KCNQ4: variants seen among roughly 807,000 people sequenced by gnomAD.
KCNQ4 encodes potassium voltage-gated channel subfamily Q member 4.
A neutral mutation model predicts 72.6 loss-of-function variants in KCNQ4; 31 were observed. The ratio of observed to expected loss-of-function variants is 0.43; its 90% CI spans 0.32 to 0.58. KCNQ4 has a LOEUF of 0.58. Among genes scored for constraint, KCNQ4 ranks in the 20% least tolerant of loss-of-function variants. The pLI is 0.08. For missense variants in KCNQ4, 869 were observed against 962.6 expected (o/e 0.90, Z 1.29); for synonymous variants, 405 against 403.7 (o/e 1.00, Z -0.04).
In KCNQ4 at chr1:40,822,303, C is replaced by T. The variant is rs368217963; in HGVS notation, c.1042-11C>T. On this transcript the variant is annotated splice_polypyrimidine_tract_variant and intron_variant, in intron 7 of 13. Coordinates refer to ENST00000347132, the MANE Select transcript of KCNQ4 (RefSeq NM_004700.4). ...CTGATGCCCCATCCCCCACGTCCCC[C>T]ATACCACCAGGCTGCCTGGCGCCTG... The T allele has an allele frequency of 1.2e-6, 2 of 1,612,842 alleles. No individual in the cohort carries two copies. Among genetic ancestry groups the T allele is most frequent in the African/African-American group, 2.7e-5 (2 of 75,018 alleles).
chr1:40,795,146 A>C (rs893336471), intron 1 of KCNQ4, among the ~76,000 whole-genome samples: 2 of 151,916 alleles, frequency 1.3e-5, no homozygotes, highest in African/African-American at 4.8e-5. Context: ...TTATACATAG[A>C]ATGACAATTG....
At chr1:40,787,636 T>A (rs78272666) in intron 1 of KCNQ4, among the ~76,000 whole-genome samples, 2,334 of 152,278 alleles carry the variant, frequency 0.015, 23 homozygotes, top group Middle Eastern at 0.027. Flanking sequence ...GAGGGGCCAC[T>A]GAGCCCCTCT....
At chr1:40,832,649 G>A (rs1648684095) in intron 10 of KCNQ4, among the ~76,000 whole-genome samples, 1 of 152,218 alleles carries the variant, frequency 6.6e-6, no homozygotes, top group Admixed American at 6.5e-5. Flanking sequence ...TACATGCAGT[G>A]CCATCAAACC....
Position 40,784,337 on chromosome 1 carries a change from C to G in KCNQ4, c.244C>G (p.Arg82Gly). 6.2e-7 allele frequency: 1 copy of G among 1,609,510 alleles called. No individual in the cohort carries two copies. The highest frequency in any genetic ancestry group is 8.5e-7 in the Non-Finnish European group (1 of 1,179,218). ...RSSAAHKRYR[R>G]LQNWVYNVLE... Reference sequence around the variant, plus strand: ...CTCGGCCGCGCACAAGCGCTACCGCCGCCTGCAGAACTGGGTCTACAACGT... The same window carrying G: ...CTCGGCCGCGCACAAGCGCTACCGCGGCCTGCAGAACTGGGTCTACAACGT... Residue 82 changes from arginine (R) to glycine (G), a missense_variant, in exon 1 of 14, where the codon CGC becomes GGC. Arg to Gly is a moderately radical substitution (Grantham distance 125). This residue lies in a region of KCNQ4 where 178 missense variants were observed against 145.3 expected (regional missense o/e 1.22). Coordinates refer to ENST00000347132, the MANE Select transcript of KCNQ4 (RefSeq NM_004700.4). This position sits in a 1 kb window ranked among gnomAD's most constrained non-coding sequence, Gnocchi z 4.1.
chr1:40,839,487 C>T lies in KCNQ4; in HGVS notation c.*964C>T, dbSNP rs1157049189. The T allele has an allele frequency of 1.3e-5, 2 of 152,288 alleles. No homozygotes were observed. Among genetic ancestry groups the T allele is most frequent in the African/African-American group, 4.8e-5 (2 of 41,464 alleles). 9.4% of individuals were successfully genotyped at this position (152,288 alleles called of 1,614,324 possible). The stretch of plus-strand genomic sequence containing the variant: ...ACTTGGAGACATGAGTGCAGAGCCA[C>T]TCAGCCGCTCCTGGGCCTCTGCAGC... On this transcript the variant is annotated 3_prime_UTR_variant, in exon 14 of 14. Coordinates refer to ENST00000347132, the MANE Select transcript of KCNQ4 (RefSeq NM_004700.4).
rs1647178237 is a variant in KCNQ4, at chr1:40,783,902, T to TGCGGGCTCCGGCGGCCC, written c.-191_-175dup. 1 of 148,072 alleles carries TGCGGGCTCCGGCGGCCC rather than the reference T, an allele frequency of 6.8e-6. No individual in the cohort carries two copies. The highest frequency in any genetic ancestry group is 1.9e-4 in the South Asian group (1 of 5,282). 9.2% of individuals were successfully genotyped at this position (148,072 alleles called of 1,614,324 possible). On this transcript the variant is annotated 5_prime_UTR_variant, in exon 1 of 14. The change creates a premature stop within an existing upstream ORF in the 5' untranslated region. Coordinates refer to ENST00000347132, the MANE Select transcript of KCNQ4 (RefSeq NM_004700.4). This position sits in a 1 kb window ranked among gnomAD's most constrained non-coding sequence, Gnocchi z 4.4. ...AGTCGCCGGGGAAGCGGGAGGTCAGTGCGGGCTCCGGCGGCCCCCAGGCTC... is the reference window on the plus strand; with the variant it reads ...AGTCGCCGGGGAAGCGGGAGGTCAGTGCGGGCTCCGGCGGCCCGCGGGCTCCGGCGGCCCCCAGGCTC...
Position 40,831,309 on chromosome 1 carries a change from GCC to G in KCNQ4, c.1513+9_1513+10del. The G allele has an allele frequency of 6.3e-7, 1 of 1,584,654 alleles. No homozygotes were observed. On this transcript the variant is annotated splice_donor_region_variant and intron_variant, in intron 10 of 13. Coordinates refer to ENST00000347132, the MANE Select transcript of KCNQ4 (RefSeq NM_004700.4). ...AACCCCGCACCTCTGCTGAGGGTAA[GCC>G]CCCGGGGGGCTGAGTCCGATCGAGG...
intron 5 of KCNQ4, 87 bp from the exon 6 acceptor site, chr1:40,819,788 T>C (rs984158984): frequency 8.1e-6 from 9 of 1,113,448 alleles, no homozygotes; most frequent in Non-Finnish European, 1.2e-5. Flanking sequence ...CCTTCCCTCA[T>C]GATCAGGCTC....
chr1:40,805,012 C>T (rs1454899767), intron 1 of KCNQ4: 5 of 152,092 alleles, frequency 3.3e-5, no homozygotes. Flanking sequence ...ATCAAGTTGC[C>T]TAGGGAGGGG....
At chr1:40,787,791 G>A (rs568067384) in intron 1 of KCNQ4, among the ~76,000 whole-genome samples, 62 of 152,262 alleles carry the variant, frequency 4.1e-4, no homozygotes, top group Admixed American at 1.5e-3. Flanking sequence ...GGCCCATCCT[G>A]CTCGCTGAGC....
chr1:40,833,512 G>A (rs1177395359), intron 11 of KCNQ4, among the ~76,000 whole-genome samples: 8 of 152,230 alleles, frequency 5.3e-5, no homozygotes, highest in African/African-American at 1.7e-4. Context: ...AGGGACCAGG[G>A]TCTCCTAGGC....
chr1:40,818,003 G>A (rs370415305), intron 2 of KCNQ4, among the ~76,000 whole-genome samples, 161 bp from the exon 3 acceptor site: 8 of 152,192 alleles, frequency 5.3e-5, no homozygotes, highest in South Asian at 2.1e-4. Context: ...GGCGGAGGGG[G>A]CCACCTGCCC....
intron 12 of KCNQ4, among the ~76,000 whole-genome samples, chr1:40,836,939 T>C (rs550139233): frequency 6.6e-6 from 1 of 152,210 alleles, no homozygotes; most frequent in African/African-American, 2.4e-5. Context: ...GATAACACTT[T>C]CAAGAATTTT....
At chr1:40,814,046 CTT>C (rs35243800) in intron 1 of KCNQ4, among the ~76,000 whole-genome samples, 6 of 52,708 alleles carry the variant, frequency 1.1e-4, no homozygotes, top group East Asian at 5.2e-4. Context: ...TGCGCCCGGC[CTT>C]TTTTTTTTTT....
intron 7 of KCNQ4, among the ~76,000 whole-genome samples, chr1:40,821,480 G>T (rs1028058477): frequency 6.7e-6 from 1 of 149,808 alleles, no homozygotes. Context: ...CTCTTCCTAC[G>T]TGGAGGGAGA....
intron 1 of KCNQ4, among the ~76,000 whole-genome samples, chr1:40,811,706 G>A (rs1023712366): frequency 6.6e-6 from 1 of 152,208 alleles, no homozygotes; most frequent in Admixed American, 6.5e-5. Flanking sequence ...ACCAGCTGGG[G>A]AGAGCCAGCC....
rs79980006 is a variant in KCNQ4 at position 40,827,881 on chromosome 1, T to A, written c.1293-3203T>A. On this transcript the variant is annotated intron_variant, in intron 9 of 13. Transcript: ENST00000347132. ...AATATTGGCCTTATTTGATTTGGTATGTTCAGCAGTTAAGATCTTATTTAC... is the reference window on the plus strand; with the variant it reads ...AATATTGGCCTTATTTGATTTGGTAAGTTCAGCAGTTAAGATCTTATTTAC... Among the ~76,000 whole-genome samples, 236 of 151,692 alleles carry A rather than the reference T, an allele frequency of 1.6e-3. 1 individual carries two copies. In the East Asian group the frequency reaches 0.033, roughly 21 times the overall value.
At chr1:40,816,640 G>T (rs567649036) in intron 1 of KCNQ4, among the ~76,000 whole-genome samples, 4 of 152,108 alleles carry the variant, frequency 2.6e-5, no homozygotes, top group Non-Finnish European at 5.9e-5. Context: ...TCCTGGCCTC[G>T]ATGGCCCAGC....
intron 1 of KCNQ4, among the ~76,000 whole-genome samples, chr1:40,786,872 A>G (rs1263072449): frequency 6.6e-6 from 1 of 152,000 alleles, no homozygotes; most frequent in Non-Finnish European, 1.5e-5. Flanking sequence ...GGAGCTCCAG[A>G]TGTGGGGTTT....
Sources: gnomAD v4.1 joint callset for allele counts (sites outside exome capture counted in the v4.1 genomes callset) on GRCh38, gnomAD v4.1.1 for gene constraint, gnomAD v4.1.1 regional missense constraint, Gnocchi (gnomAD v3.1) non-coding constraint, MANE v1.5 for transcripts, NCBI Gene and HGNC (gene_info 2026-07-23, HGNC 2026-07-21) for gene names.